The following PSMC3 variants were observed in gnomAD, a reference collection of about 807,000 sequenced individuals.
PSMC3 encodes proteasome 26S subunit, ATPase 3.
PSMC3 carries 11 observed loss-of-function variants against 52.0 expected under a neutral mutation model. The observed-to-expected ratio is 0.21, with a 90% CI of 0.13 to 0.35. The LOEUF (loss-of-function observed/expected upper bound fraction) is 0.35. Among genes scored for constraint, PSMC3 ranks in the 10% least tolerant of loss-of-function variants. The pLI is 1.00. For synonymous variants in PSMC3, 201 were observed against 218.8 expected (o/e 0.92, Z 0.72); for missense variants, 238 against 567.1 (o/e 0.42, Z 5.89).
intron 6 of PSMC3, among the ~76,000 whole-genome samples, chr11:47,423,343 G>C (rs1176807736): frequency 6.6e-6 from 1 of 151,746 alleles, no homozygotes; most frequent in Non-Finnish European, 1.5e-5. Flanking sequence ...GGAGCTCGTA[G>C]TGAGCCAAGA....
chr11:47,422,436 C>A lies in PSMC3; in HGVS notation c.884+138G>T. ...TTGATCAGGAGTTAGGAATTGGAAT[C>A]TCAAGAGTTGAGGAGCCACCATCCA... is the stretch of plus-strand genomic sequence containing the variant. On this transcript the variant is annotated intron_variant, in intron 8 of 11. Coordinates refer to ENST00000298852, the MANE Select transcript of PSMC3 (RefSeq NM_002804.5). This position sits in a 1 kb window ranked among gnomAD's most constrained non-coding sequence, Gnocchi z 4.3. 1.9e-6 allele frequency: 2 copies of A among 1,044,318 alleles called. No homozygotes were observed. The highest frequency in any genetic ancestry group is 1.4e-6 in the Non-Finnish European group (1 of 714,136). 64.7% of individuals were successfully genotyped at this position (1,044,318 alleles called of 1,614,324 possible).
chr11:47,420,752 C>T (rs909965971), intron 8 of PSMC3, 25 bp from the exon 9 acceptor site: 1 of 1,546,358 alleles, frequency 6.5e-7, no homozygotes, highest in Non-Finnish European at 8.8e-7. Flanking sequence ...GCCCGAGATG[C>T]TGGTGAGGGC....
At chr11:47,421,395 G>A (rs1228330690) in intron 8 of PSMC3, among the ~76,000 whole-genome samples, 1 of 151,974 alleles carries the variant, frequency 6.6e-6, no homozygotes, top group Non-Finnish European at 1.5e-5. Context: ...GGAGAGCCCA[G>A]GCAGGCATCC....
rs2096044651 is a variant in PSMC3 at position 47,424,913 on chromosome 11, G to A, written c.286-202C>T. Among the ~76,000 whole-genome samples, 1 of 152,140 alleles carries A rather than the reference G, an allele frequency of 6.6e-6. No homozygotes were observed. The highest frequency in any genetic ancestry group is 1.5e-5 in the Non-Finnish European group (1 of 68,012). On this transcript the variant is annotated intron_variant, in intron 3 of 11. Coordinates refer to ENST00000298852, the MANE Select transcript of PSMC3 (RefSeq NM_002804.5). This position sits in a 1 kb window ranked among gnomAD's most constrained non-coding sequence, Gnocchi z 4.8. Reference sequence around the variant, plus strand: ...CTCTGCACAGGGCTCATCTACCCCGGAGGAGACATAACCAACAGAAAAGGA... The same window carrying A: ...CTCTGCACAGGGCTCATCTACCCCGAAGGAGACATAACCAACAGAAAAGGA...
In PSMC3 at chr11:47,422,803, C is replaced by T. The variant is rs1388248769; in HGVS notation, c.735+27G>A. On this transcript the variant is annotated intron_variant, in intron 7 of 11. Coordinates refer to ENST00000298852, the MANE Select transcript of PSMC3 (RefSeq NM_002804.5). The surrounding 1 kb of genome is among the most constrained non-coding windows in gnomAD (Gnocchi z 4.3). ...GTAGAGTTTCTGCTCCTGCCCACTT[C>T]CCCCGCATCCCTCCCAAAGTACTCA... is the stretch of plus-strand genomic sequence containing the variant. 1.2e-6 allele frequency: 2 copies of T among 1,602,224 alleles called. No homozygotes were observed. Among genetic ancestry groups the T allele is most frequent in the South Asian group, 1.1e-5 (1 of 90,080 alleles).
intron 8 of PSMC3, among the ~76,000 whole-genome samples, chr11:47,421,546 T>C (rs2096040474): frequency 6.6e-6 from 1 of 151,864 alleles, no homozygotes; most frequent in Non-Finnish European, 1.5e-5. Flanking sequence ...CAGGGGAGGC[T>C]GGGGACAGGC....
intron 8 of PSMC3, among the ~76,000 whole-genome samples, chr11:47,421,338 C>T (rs976416685): frequency 1.1e-4 from 16 of 150,004 alleles, no homozygotes; most frequent in African/African-American, 2.7e-4. Context: ...ACTGAGCTAA[C>T]GCTTAAAAAC....
At position 47,424,450 on chromosome 11, in the gene PSMC3, C is replaced by T; in HGVS notation, c.432G>A (p.Lys144=). The change falls in exon 5 of 12, where the codon AAG becomes AAA. Residue 144 remains lysine, a synonymous_variant. Coordinates refer to ENST00000298852, the MANE Select transcript of PSMC3 (RefSeq NM_002804.5). The surrounding 1 kb of genome is among the most constrained non-coding windows in gnomAD (Gnocchi z 4.8). The part of the protein sequence containing the change: ...LPVIGLVDAE[K]LKPGDLVGVN... Reference sequence around the variant, plus strand: ...TCACCACCAGGTCTCCTGGCTTTAGCTTTTCAGCATCCACCAACCCAATCA... The same window carrying T: ...TCACCACCAGGTCTCCTGGCTTTAGTTTTTCAGCATCCACCAACCCAATCA... The T allele has an allele frequency of 1.2e-6, 2 of 1,614,220 alleles. No homozygotes were observed. Among genetic ancestry groups the T allele is most frequent in the South Asian group, 1.1e-5 (1 of 91,086 alleles).
At chr11:47,423,661 G>A (rs1041973258) in intron 6 of PSMC3, among the ~76,000 whole-genome samples, 1 of 152,124 alleles carries the variant, frequency 6.6e-6, no homozygotes. Context: ...GCTTGGTGTC[G>A]CATGCCTGTA....
At chr11:47,421,583 G>T (rs957900539) in intron 8 of PSMC3, among the ~76,000 whole-genome samples, 8 of 152,058 alleles carry the variant, frequency 5.3e-5, no homozygotes, top group Non-Finnish European at 8.8e-5. Flanking sequence ...GGCGCAAAAA[G>T]GCAGCACACG....
intron 9 of PSMC3, 89 bp downstream of exon 9, chr11:47,420,542 C>A: frequency 6.6e-7 from 1 of 1,513,472 alleles, no homozygotes. Context: ...TCCCAATTCT[C>A]ATTCCAGCTC....
In PSMC3 at chr11:47,420,255, C is replaced by T. The variant is rs768814895; in HGVS notation, c.1127+9G>A. On this transcript the variant is annotated intron_variant, in intron 10 of 11. Coordinates refer to ENST00000298852, the MANE Select transcript of PSMC3 (RefSeq NM_002804.5). ...CAGGTCTCTGTGCCCTGCCCGTGCTCCTGCTCACCTGACATTCATCTTTCG... is the reference window on the plus strand; with the variant it reads ...CAGGTCTCTGTGCCCTGCCCGTGCTTCTGCTCACCTGACATTCATCTTTCG... The T allele has an allele frequency of 6.2e-7, 1 of 1,614,012 alleles. No homozygotes were observed. Among genetic ancestry groups the T allele is most frequent in the African/African-American group, 1.3e-5 (1 of 75,048 alleles).
intron 11 of PSMC3, 72 bp downstream of exon 11, chr11:47,419,044 A>G: frequency 6.2e-7 from 1 of 1,607,306 alleles, no homozygotes; most frequent in South Asian, 1.1e-5. Flanking sequence ...CCACCAGCCA[A>G]ATGCCCCCAT....
In PSMC3 at chr11:47,424,423, A is replaced by G; in HGVS notation, c.453+6T>C. On this transcript the variant is annotated splice_donor_region_variant and intron_variant, in intron 5 of 11. Coordinates refer to ENST00000298852, the MANE Select transcript of PSMC3 (RefSeq NM_002804.5). This position sits in a 1 kb window ranked among gnomAD's most constrained non-coding sequence, Gnocchi z 4.8. Reference sequence around the variant, plus strand: ...AAAGCACTGCCTGGGCTCAGGCCCCACTCACCACCAGGTCTCCTGGCTTTA... The same window carrying G: ...AAAGCACTGCCTGGGCTCAGGCCCCGCTCACCACCAGGTCTCCTGGCTTTA... 6.2e-7 allele frequency: 1 copy of G among 1,614,006 alleles called. No homozygotes were observed. Among genetic ancestry groups the G allele is most frequent in the Non-Finnish European group, 8.5e-7 (1 of 1,179,858 alleles).
At chr11:47,420,761 G>A in intron 8 of PSMC3, 34 bp from the exon 9 acceptor site, 3 of 1,534,942 alleles carry the variant, frequency 2.0e-6, no homozygotes, top group East Asian at 2.4e-5. Context: ...GCTGGTGAGG[G>A]CACAGCTTAG....
At chr11:47,423,404 CAA>C (rs773723021) in intron 6 of PSMC3, among the ~76,000 whole-genome samples, 5 of 115,768 alleles carry the variant, frequency 4.3e-5, no homozygotes, top group Non-Finnish European at 5.5e-5. Flanking sequence ...GACTCCGTCA[CAA>C]AAAAAAAAAA....
chr11:47,425,114 C>A lies in PSMC3; in HGVS notation c.285+7G>T. On this transcript the variant is annotated splice_region_variant and intron_variant, in intron 3 of 11. Transcript: ENST00000298852. ...CTCCCTCTCTTCCCCTCCACATACA[C>A]ACACACCTCGATGACGTTGGAGACA... The A allele has an allele frequency of 2.5e-6, 4 of 1,613,974 alleles. No individual in the cohort carries two copies. Among genetic ancestry groups the A allele is most frequent in the Non-Finnish European group, 3.4e-6 (4 of 1,180,016 alleles).
At chr11:47,421,787 G>A (rs1220404694) in intron 8 of PSMC3, among the ~76,000 whole-genome samples, 1 of 151,870 alleles carries the variant, frequency 6.6e-6, no homozygotes, top group Non-Finnish European at 1.5e-5. Flanking sequence ...CAAGTAGCTG[G>A]AATTACAGGC....
rs7948705 is a variant in PSMC3 at position 47,426,404 on chromosome 11, C to A, written c.-125G>T. On this transcript the variant is annotated 5_prime_UTR_variant, in exon 1 of 12. Coordinates refer to ENST00000298852, the MANE Select transcript of PSMC3 (RefSeq NM_002804.5). ...TCCCCACAAATCCCGACTCTTGACC[C>A]GACCAGCTCCGGCCGTGCTGCGGAG... 2.4e-6 allele frequency: 2 copies of A among 821,730 alleles called. No individual in the cohort carries two copies. Among genetic ancestry groups the A allele is most frequent in the Non-Finnish European group, 3.6e-6 (2 of 549,902 alleles). 50.9% of individuals were successfully genotyped at this position (821,730 alleles called of 1,614,324 possible). A position where few individuals can be genotyped will look rare whatever the true frequency, so the allele number is the denominator to read the frequency against.
Sources: gnomAD v4.1 joint callset for allele counts (sites outside exome capture counted in the v4.1 genomes callset) on GRCh38, gnomAD v4.1.1 for gene constraint, Gnocchi (gnomAD v3.1) non-coding constraint, MANE v1.5 for transcripts, NCBI Gene and HGNC (gene_info 2026-07-23, HGNC 2026-07-21) for gene names.